Variants in KIF3B observed in about 807,000 individuals in gnomAD.
KIF3B encodes the protein kinesin-like protein KIF3B.
In KIF3B, 38 loss-of-function variants were observed where a neutral mutation model predicts 74.3. The observed-to-expected ratio is 0.51, with a 90% CI of 0.39 to 0.67. The LOEUF is 0.67. Among genes scored for constraint, KIF3B ranks in the 30% least tolerant of loss-of-function variants. The pLI, the probability that KIF3B is intolerant of heterozygous loss-of-function variation, is 0.00. For missense variants in KIF3B, 649 were observed against 932.0 expected (o/e 0.70, Z 3.95); for synonymous variants, 326 against 342.5 (o/e 0.95, Z 0.53).
intron 5 of KIF3B, among the ~76,000 whole-genome samples, chr20:32,323,070 T>TTATATTTA (rs1376156201): frequency 4.8e-4 from 7 of 14,514 alleles, no homozygotes; most frequent in Admixed American, 2.5e-3. Flanking sequence ...TTATATATAT[T>TTATATTTA]TATATATTTA....
rs1302249567 is a variant in KIF3B, at chr20:32,326,820, A to T, written c.1798A>T (p.Met600Leu). Reference protein sequence around the residue: ...FIPLEEKSKIMNRAFFDEEED... With the variant: ...FIPLEEKSKILNRAFFDEEED... ...CCCTCTGGAAGAAAAAAGTAAAATTATGAATAGAGCCTTCTTTGATGAAGA... is the reference window on the plus strand; with the variant it reads ...CCCTCTGGAAGAAAAAAGTAAAATTTTGAATAGAGCCTTCTTTGATGAAGA... Residue 600 changes from methionine (M) to leucine (L), a missense_variant, in exon 6 of 9, where the codon ATG becomes TTG. By Grantham distance (15) the Met-to-Leu change is conservative. Around this residue, in one of 4 missense-constraint regions of KIF3B, gnomAD observed 186 missense variants for 198.5 expected, o/e 0.94. Transcript: ENST00000375712. 6.3e-7 allele frequency: 1 copy of T among 1,594,052 alleles called. No individual in the cohort carries two copies. Among genetic ancestry groups the T allele is most frequent in the South Asian group, 1.1e-5 (1 of 89,922 alleles).
At position 32,277,674 on chromosome 20, in the gene KIF3B, G is replaced by A. The variant is rs908570494; in HGVS notation, c.-157G>A. The A allele has an allele frequency of 1.3e-4, 31 of 246,014 alleles. No individual in the cohort carries two copies. The highest frequency in any genetic ancestry group is 9.2e-4 in the Admixed American group (16 of 17,344). 15.2% of individuals were successfully genotyped at this position (246,014 alleles called of 1,614,324 possible). On this transcript the variant is annotated 5_prime_UTR_variant, in exon 1 of 9. Coordinates refer to ENST00000375712, the MANE Select transcript of KIF3B (RefSeq NM_004798.4). ...CCACTGTCTCTCCCCATCCGGGGCA[G>A]CGGGGAATGGCTGAGCCAGGGGTTC...
chr20:32,281,661 A>G (rs1433104253), intron 1 of KIF3B, among the ~76,000 whole-genome samples: 1 of 152,166 alleles, frequency 6.6e-6, no homozygotes, highest in African/African-American at 2.4e-5. Flanking sequence ...AGGCTGCAGT[A>G]AGCCGAGGTT....
intron 6 of KIF3B, among the ~76,000 whole-genome samples, chr20:32,327,308 G>T (rs1326349314): frequency 6.6e-6 from 1 of 152,096 alleles, no homozygotes; most frequent in Non-Finnish European, 1.5e-5. Context: ...AGAGGTGGGG[G>T]GTGTTGACAG....
At chr20:32,305,953 G>A (rs1304998914) in intron 1 of KIF3B, among the ~76,000 whole-genome samples, 3 of 151,618 alleles carry the variant, frequency 2.0e-5, no homozygotes, top group Non-Finnish European at 4.4e-5. Flanking sequence ...GACCATGGTG[G>A]CAGGTGCCTG....
chr20:32,308,361 C>T (rs1406855231), intron 1 of KIF3B, among the ~76,000 whole-genome samples: 1 of 152,146 alleles, frequency 6.6e-6, no homozygotes, highest in Non-Finnish European at 1.5e-5. Context: ...GTAGCTGGGA[C>T]CACAGGCACA....
intron 1 of KIF3B, among the ~76,000 whole-genome samples, chr20:32,289,350 T>G (rs1272661093): frequency 6.6e-6 from 1 of 152,126 alleles, no homozygotes; most frequent in African/African-American, 2.4e-5. Flanking sequence ...CCTGCCACCA[T>G]GCCCGGCTAA....
Position 32,310,257 on chromosome 20 carries a change from G to A in KIF3B, c.480G>A (p.Gln160=). ...EEIRDLLSKD[Q]TKRLELKERP... is the part of the protein sequence containing the mutation. ...TCCGAGATTTGCTCTCAAAGGATCA[G>A]ACCAAAAGGCTTGAGCTCAAAGAGA... The change falls in exon 2 of 9, where the codon CAG becomes CAA. Residue 160 remains glutamine (Q), a synonymous_variant. Transcript: ENST00000375712. The surrounding 1 kb of genome is among the most constrained non-coding windows in gnomAD (Gnocchi z 6.5). 6.2e-7 allele frequency: 1 copy of A among 1,613,924 alleles called. No individual in the cohort carries two copies. The highest frequency in any genetic ancestry group is 8.5e-7 in the Non-Finnish European group (1 of 1,179,972).
At chr20:32,304,573 C>CTGCTGTTGCAGAGAATATG (rs1569197361) in intron 1 of KIF3B, among the ~76,000 whole-genome samples, 1 of 152,086 alleles carries the variant, frequency 6.6e-6, no homozygotes, top group East Asian at 1.9e-4. Flanking sequence ...ATGGTGCATG[C>CTGCTGTTGCAGAGAATATG]ATGCAGTAGA....
rs545683506 is a variant in KIF3B, at chr20:32,294,518, G to A, written c.-65-15195G>A. ...AAGAAAGCAAAAAAATAGCCTGCAG[G>A]CGCACCACCCTAGAGGTCAATATTA... On this transcript the variant is annotated intron_variant, in intron 1 of 8. Transcript: ENST00000375712. Among the ~76,000 whole-genome samples the A allele has an allele frequency of 4.6e-5, 7 of 152,230 alleles. No individual in the cohort carries two copies. In the East Asian group the frequency reaches 9.6e-4, roughly 21 times the overall value.
intron 1 of KIF3B, among the ~76,000 whole-genome samples, chr20:32,303,702 A>G (rs2122681955): frequency 6.6e-6 from 1 of 151,724 alleles, no homozygotes; most frequent in East Asian, 1.9e-4. Context: ...TAAAAATACA[A>G]AAATTAACCA....
chr20:32,286,747 A>C (rs184911031), intron 1 of KIF3B, among the ~76,000 whole-genome samples: 1 of 152,302 alleles, frequency 6.6e-6, no homozygotes, highest in East Asian at 1.9e-4. Context: ...ATAGGCTTGC[A>C]GTTCTCACCT....
intron 1 of KIF3B, among the ~76,000 whole-genome samples, chr20:32,305,720 A>T (rs970446330): frequency 6.6e-6 from 1 of 151,230 alleles, no homozygotes; most frequent in Non-Finnish European, 1.5e-5. Context: ...GATTACAGGC[A>T]CATGCCACCA....
At chr20:32,329,758 T>C (rs960685701) in intron 7 of KIF3B, among the ~76,000 whole-genome samples, 2 of 152,240 alleles carry the variant, frequency 1.3e-5, no homozygotes, top group Non-Finnish European at 2.9e-5. Context: ...TCAATGTTTT[T>C]TTTCTTTTTG....
intron 5 of KIF3B, among the ~76,000 whole-genome samples, chr20:32,326,279 C>T (rs2047903415): frequency 6.6e-6 from 1 of 152,138 alleles, no homozygotes; most frequent in African/African-American, 2.4e-5. Context: ...TTATCCTGGT[C>T]AGTTAGAATG....
chr20:32,291,715 A>G (rs528824362), intron 1 of KIF3B, among the ~76,000 whole-genome samples: 11 of 151,260 alleles, frequency 7.3e-5, no homozygotes, highest in East Asian at 5.9e-4. Flanking sequence ...TCCCGGGTTC[A>G]AGCAATTCTC....
At chr20:32,301,494 A>G (rs2047743895) in intron 1 of KIF3B, among the ~76,000 whole-genome samples, 1 of 152,062 alleles carries the variant, frequency 6.6e-6, no homozygotes, top group Non-Finnish European at 1.5e-5. Flanking sequence ...CTCCTGCCTC[A>G]GCCTCCCGAG....
At chr20:32,325,204 T>C (rs1417248360) in intron 5 of KIF3B, among the ~76,000 whole-genome samples, 2 of 152,156 alleles carry the variant, frequency 1.3e-5, no homozygotes, top group African/African-American at 4.8e-5. Flanking sequence ...GTTGTTGTTG[T>C]TTGAGACAGA....
chr20:32,312,120 C>CG (rs1555895987), intron 2 of KIF3B, among the ~76,000 whole-genome samples: 2 of 136,790 alleles, frequency 1.5e-5, no homozygotes, highest in Admixed American at 1.5e-4. Flanking sequence ...TTCTTTCTTT[C>CG]TTTTTTTTTT....
Sources: allele counts gnomAD v4.1 joint callset (sites outside exome capture counted in the v4.1 genomes callset), GRCh38; gene constraint gnomAD v4.1.1; regional missense constraint gnomAD v4.1.1; non-coding constraint Gnocchi (gnomAD v3.1); transcripts MANE v1.5; gene names NCBI Gene and HGNC (gene_info 2026-07-23, HGNC 2026-07-21).